Variants in EYA1 observed in about 807,000 individuals in gnomAD.
EYA1 encodes the protein EYA transcriptional coactivator and phosphatase 1, also known as protein phosphatase EYA1.
Under a neutral mutation model 82.0 loss-of-function variants are expected in EYA1, and 16 were observed. That is an observed-to-expected ratio of 0.20 (90% CI 0.13 to 0.30). The LOEUF (loss-of-function observed/expected upper bound fraction) is 0.30. Among genes scored for constraint, EYA1 ranks in the 10% least tolerant of loss-of-function variants. EYA1 has a pLI of 1.00. For synonymous variants in EYA1, 261 were observed against 264.4 expected, an observed-to-expected ratio of 0.99 and a Z score of 0.12; for missense variants, 633 against 730.7, an observed-to-expected ratio of 0.87 and a Z score of 1.54.
chr8:71,351,404 T>C (rs1208066013), intron 3 of EYA1, among the ~76,000 whole-genome samples: 1 of 152,222 alleles, frequency 6.6e-6, no homozygotes, highest in Non-Finnish European at 1.5e-5. Flanking sequence ...TATGCTACTA[T>C]TTTCTATTTT....
chr8:71,510,911 T>C (rs1007154049), intron 2 of EYA1, among the ~76,000 whole-genome samples: 3 of 152,230 alleles, frequency 2.0e-5, no homozygotes, highest in Non-Finnish European at 4.4e-5. Context: ...TTCTTTGAAA[T>C]ATTTATTTTT....
At chr8:71,210,537 T>C (rs2128832797) in intron 17 of EYA1, among the ~76,000 whole-genome samples, 1 of 152,160 alleles carries the variant, frequency 6.6e-6, no homozygotes, top group Middle Eastern at 3.4e-3. Flanking sequence ...ATGAGAAAGC[T>C]TTTGCTCAGA....
At chr8:71,296,323 A>C (rs1313369871) in intron 9 of EYA1, among the ~76,000 whole-genome samples, 2 of 152,184 alleles carry the variant, frequency 1.3e-5, no homozygotes, top group African/African-American at 2.4e-5. Context: ...ACACCATCAC[A>C]GACTTAAAAA....
chr8:71,308,681 C>T (rs1820993722), intron 7 of EYA1, among the ~76,000 whole-genome samples: 1 of 150,536 alleles, frequency 6.6e-6, no homozygotes, highest in African/African-American at 2.5e-5. Flanking sequence ...GATAATACTG[C>T]CCAGTTATAA....
At chr8:71,327,853 CTTTTTTTTTT>C (rs71555578) in intron 4 of EYA1, among the ~76,000 whole-genome samples, 2 of 110,190 alleles carry the variant, frequency 1.8e-5, no homozygotes, top group Admixed American at 1.0e-4. Context: ...TCTTTAAGTT[CTTTTTTTTTT>C]TTTTTTTTTT....
intron 2 of EYA1, among the ~76,000 whole-genome samples, chr8:71,472,473 C>T (rs1434067586): frequency 2.0e-5 from 3 of 152,002 alleles, no homozygotes; most frequent in Non-Finnish European, 4.4e-5. Flanking sequence ...TAGGTCAAGG[C>T]ATAACCATGT....
At chr8:71,535,870 A>G (rs1814672282) in intron 1 of EYA1, 1 of 681,960 alleles carries the variant, frequency 1.5e-6, no homozygotes, top group South Asian at 2.7e-5. Flanking sequence ...AGAGCATCAC[A>G]CAGCTGTATT....
At chr8:71,503,047 T>C (rs1811930265) in intron 2 of EYA1, among the ~76,000 whole-genome samples, 1 of 152,234 alleles carries the variant, frequency 6.6e-6, no homozygotes, top group South Asian at 2.1e-4. Context: ...GTTGTTTCTA[T>C]ACATACATTT....
At chr8:71,370,183 C>T (rs907077608) in intron 2 of EYA1, among the ~76,000 whole-genome samples, 1 of 151,814 alleles carries the variant, frequency 6.6e-6, no homozygotes, top group African/African-American at 2.4e-5. Context: ...AAACAGTACT[C>T]AATAGGATGA....
At chr8:71,414,259 T>C (rs554166677) in intron 2 of EYA1, among the ~76,000 whole-genome samples, 10 of 152,284 alleles carry the variant, frequency 6.6e-5, no homozygotes, top group African/African-American at 1.7e-4. Flanking sequence ...GAGAAGCCCC[T>C]TACAGCAGCT....
chr8:71,459,213 G>A (rs998022047), intron 2 of EYA1, among the ~76,000 whole-genome samples: 1 of 152,208 alleles, frequency 6.6e-6, no homozygotes, highest in Non-Finnish European at 1.5e-5. Context: ...TCCATTAAGT[G>A]AAATTTGCTG....
chr8:71,355,513 T>C (rs1826775081), intron 2 of EYA1, among the ~76,000 whole-genome samples: 1 of 152,198 alleles, frequency 6.6e-6, no homozygotes, highest in Non-Finnish European at 1.5e-5. Context: ...GTTCCTCTGT[T>C]TCCCTTGAAA....
In EYA1 at chr8:71,272,392, TC is replaced by T. The variant is rs373245512; in HGVS notation, c.827-496del. On this transcript the variant is annotated intron_variant, in intron 9 of 17. Coordinates refer to ENST00000340726, the MANE Select transcript of EYA1 (RefSeq NM_000503.6). ...AGATTTTTCTTTGAAAATTTTACAT[TC>T]CCCATTTTCTCCCTCATTTTATGTG... 2.0e-3 allele frequency among the ~76,000 whole-genome samples: 302 copies of T among 152,220 alleles called. 1 individual carries two copies. The highest frequency in any genetic ancestry group is 3.7e-3 in the Non-Finnish European group (250 of 68,020).
At chr8:71,432,704 C>T (rs1409290332) in intron 2 of EYA1, among the ~76,000 whole-genome samples, 1 of 152,138 alleles carries the variant, frequency 6.6e-6, no homozygotes, top group South Asian at 2.1e-4. Context: ...AATCTCTTTT[C>T]AAATACAGTT....
In EYA1 at chr8:71,500,943, A is replaced by T. The variant is rs562278169; in HGVS notation, c.33+34801T>A. Among the ~76,000 whole-genome samples the T allele has an allele frequency of 2.0e-5, 3 of 152,296 alleles. No homozygotes were observed. In the East Asian group the frequency reaches 5.8e-4, roughly 29 times the overall value. On this transcript the variant is annotated intron_variant, in intron 2 of 18. Coordinates refer to the EYA1 transcript ENST00000643681. The stretch of plus-strand genomic sequence containing the variant: ...AGATAGCTAGATGTTTATTGGTGTG[A>T]TTTGATAAGGGTTGAGAGGCTGTGC...
chr8:71,362,158 T>A, upstream of EYA1: 10 of 656,686 alleles, frequency 1.5e-5, no homozygotes, highest in African/African-American at 5.8e-5. Context: ...GGGCTTTCTT[T>A]TTTTTTTTTT....
chr8:71,374,622 C>T (rs1015753423), intron 2 of EYA1, among the ~76,000 whole-genome samples: 1 of 152,064 alleles, frequency 6.6e-6, no homozygotes, highest in Non-Finnish European at 1.5e-5. Flanking sequence ...ATAGAATTGT[C>T]GTATGACTTA....
At chr8:71,234,915 C>T (rs1811648571) in intron 12 of EYA1, among the ~76,000 whole-genome samples, 1 of 152,112 alleles carries the variant, frequency 6.6e-6, no homozygotes, top group Admixed American at 6.5e-5. Context: ...TCCTCCCCAG[C>T]CACCCCCCAA....
At chr8:71,396,716 T>C (rs2129120797) in intron 2 of EYA1, among the ~76,000 whole-genome samples, 1 of 152,344 alleles carries the variant, frequency 6.6e-6, no homozygotes, top group African/African-American at 2.4e-5. Context: ...TCCAACTATG[T>C]GGTCAATTTT....
Sources: gnomAD v4.1 joint callset for allele counts (sites outside exome capture counted in the v4.1 genomes callset) on GRCh38, gnomAD v4.1.1 for gene constraint, MANE v1.5 for transcripts, NCBI Gene and HGNC (gene_info 2026-07-23, HGNC 2026-07-21) for gene names.